The following SAMD12 variants were observed in gnomAD, a reference collection of about 807,000 sequenced individuals.
SAMD12 encodes sterile alpha motif domain-containing protein 12.
Under a neutral mutation model 15.0 loss-of-function variants are expected in SAMD12, and 9 were observed. The observed-to-expected ratio is 0.60, with a 90% CI of 0.36 to 1.05. The LOEUF (loss-of-function observed/expected upper bound fraction) is 1.05. Among genes scored for constraint, SAMD12 ranks in the 50% least tolerant of loss-of-function variants. The pLI is 0.01. For synonymous variants in SAMD12, 86 were observed against 90.1 expected, an observed-to-expected ratio of 0.96 and a Z score of 0.25; for missense variants, 230 against 234.2, an observed-to-expected ratio of 0.98 and a Z score of 0.12.
At chr8:118,434,409 C>A (rs1298828034) in intron 3 of SAMD12, among the ~76,000 whole-genome samples, 1 of 152,178 alleles carries the variant, frequency 6.6e-6, no homozygotes, top group African/African-American at 2.4e-5. Context: ...TTTATACATT[C>A]AAAGCAGCTT....
At chr8:118,245,604 G>C (rs1056661531) in intron 4 of SAMD12, among the ~76,000 whole-genome samples, 3 of 152,076 alleles carry the variant, frequency 2.0e-5, no homozygotes, top group Non-Finnish European at 2.9e-5. Flanking sequence ...ACCCAGACCT[G>C]TTTCCAAAGT....
intron 2 of SAMD12, among the ~76,000 whole-genome samples, chr8:118,514,546 T>C (rs1477981498): frequency 3.9e-5 from 6 of 152,264 alleles, no homozygotes; most frequent in African/African-American, 1.2e-4. Context: ...TTTTTATCTA[T>C]AAGGTATTTA....
chr8:118,308,063 C>G (rs11774292), intron 4 of SAMD12, among the ~76,000 whole-genome samples: 13,604 of 152,256 alleles, frequency 0.089, 826 homozygotes, highest in Non-Finnish European at 0.12. Context: ...ATGCTGATAA[C>G]TGGTAATTCC....
chr8:118,346,573 A>G (rs1563781601), intron 4 of SAMD12, among the ~76,000 whole-genome samples: 1 of 152,180 alleles, frequency 6.6e-6, no homozygotes, highest in Non-Finnish European at 1.5e-5. Flanking sequence ...GACCCATGAG[A>G]TGTTAAACGG....
intron 2 of SAMD12, among the ~76,000 whole-genome samples, chr8:118,516,355 A>T (rs1825243912): frequency 6.6e-6 from 1 of 152,206 alleles, no homozygotes; most frequent in Non-Finnish European, 1.5e-5. Context: ...TTGTGATGAT[A>T]TCTCAATTTT....
intron 2 of SAMD12, among the ~76,000 whole-genome samples, chr8:118,573,637 T>C (rs1372927174): frequency 6.6e-6 from 1 of 152,184 alleles, no homozygotes; most frequent in African/African-American, 2.4e-5. Context: ...TTTGGAAGTA[T>C]CCCTTGTCCA....
At chr8:118,296,916 T>A (rs1455678784) in intron 4 of SAMD12, among the ~76,000 whole-genome samples, 2 of 152,224 alleles carry the variant, frequency 1.3e-5, no homozygotes, top group Admixed American at 1.3e-4. Context: ...GATACAACAG[T>A]GTACAAAACA....
chr8:118,383,531 C>T (rs545468378), intron 3 of SAMD12, among the ~76,000 whole-genome samples: 5 of 152,138 alleles, frequency 3.3e-5, no homozygotes, highest in African/African-American at 9.7e-5. Context: ...ACCGTCCCAG[C>T]GTGAACATTC....
At chr8:118,177,378 C>T in the SAMD12 span, among the ~76,000 whole-genome samples, 6 of 151,970 alleles carry the variant, frequency 3.9e-5, no homozygotes, top group African/African-American at 1.4e-4. Flanking sequence ...GTAGCTGGGA[C>T]TATGGGCATG....
chr8:118,455,776 C>T (rs78575124), intron 2 of SAMD12, among the ~76,000 whole-genome samples: 1,878 of 152,270 alleles, frequency 0.012, 13 homozygotes, highest in African/African-American at 0.025. Context: ...TAGATCCTGA[C>T]GAAAATCCCA....
intron 4 of SAMD12, among the ~76,000 whole-genome samples, chr8:118,316,816 G>GTTTTT (rs35418863): frequency 3.4e-5 from 4 of 117,926 alleles, no homozygotes; most frequent in Admixed American, 1.8e-4. Flanking sequence ...TTAAAAAAAA[G>GTTTTT]TTTTTTTTTT....
chr8:118,599,528 G>C (rs569807281), intron 1 of SAMD12, among the ~76,000 whole-genome samples: 3 of 152,260 alleles, frequency 2.0e-5, no homozygotes, highest in Admixed American at 1.3e-4. Context: ...AAAGGCTCCC[G>C]CTCGTGGGGT....
At chr8:118,274,566 C>T (rs1813431106) in intron 4 of SAMD12, among the ~76,000 whole-genome samples, 1 of 152,146 alleles carries the variant, frequency 6.6e-6, no homozygotes, top group African/African-American at 2.4e-5. Flanking sequence ...TCCATCCCTC[C>T]CATGCTCTCC....
intron 2 of SAMD12, among the ~76,000 whole-genome samples, chr8:118,463,808 G>A (rs1823507062): frequency 6.6e-6 from 1 of 151,902 alleles, no homozygotes; most frequent in South Asian, 2.1e-4. Context: ...GGATCAGACG[G>A]CCTTCAGCAC....
chr8:118,267,958 G>A (rs1813248273), intron 4 of SAMD12, among the ~76,000 whole-genome samples: 2 of 152,108 alleles, frequency 1.3e-5, no homozygotes, highest in Admixed American at 6.5e-5. Context: ...CAGGTATGGT[G>A]GCAGGTGCCT....
intron 4 of SAMD12, among the ~76,000 whole-genome samples, chr8:118,294,592 G>A (rs1237786711): frequency 1.3e-5 from 2 of 152,082 alleles, no homozygotes; most frequent in Non-Finnish European, 2.9e-5. Flanking sequence ...TTTGTAAGAG[G>A]GACTGAGTGG....
the SAMD12 span, among the ~76,000 whole-genome samples, chr8:118,152,292 AC>A: frequency 6.6e-6 from 1 of 152,070 alleles, no homozygotes; most frequent in Non-Finnish European, 1.5e-5. Context: ...AGCTGCCACC[AC>A]CCCCACCAAA....
chr8:118,218,655 G>A (rs577692107), intron 4 of SAMD12, among the ~76,000 whole-genome samples: 4 of 151,844 alleles, frequency 2.6e-5, no homozygotes, highest in Non-Finnish European at 5.9e-5. Context: ...ATTTCACTTA[G>A]CATAACATAC....
At chr8:118,197,526 C>T in exon 5 of SAMD12, 2 of 661,980 alleles carry the variant, frequency 3.0e-6, no homozygotes, top group Non-Finnish European at 5.5e-6. Context: ...TTTAAATCCA[C>T]AGCAAAGCAA....
Sources: gnomAD v4.1 joint callset for allele counts (sites outside exome capture counted in the v4.1 genomes callset) on GRCh38, gnomAD v4.1.1 for gene constraint, MANE v1.5 for transcripts, NCBI Gene and HGNC (gene_info 2026-07-23, HGNC 2026-07-21) for gene names.